Variants in YY1AP1 observed in about 807,000 individuals in gnomAD.
The protein encoded by YY1AP1 is YY1 associated protein 1, also known as YY1-associated protein 1.
YY1AP1 carries 43 observed loss-of-function variants against 39.9 expected under a neutral mutation model. The observed-to-expected ratio is 1.08, with a 90% CI of 0.84 to 1.39. The LOEUF is 1.39. Ranked by LOEUF, YY1AP1 falls within the 40% of genes most tolerant of loss-of-function variation. YY1AP1 has a pLI of 0.00. For missense variants in YY1AP1, 813 were observed against 900.7 expected, an observed-to-expected ratio of 0.90 and a Z score of 1.25; for synonymous variants, 292 against 331.3, an observed-to-expected ratio of 0.88 and a Z score of 1.29.
At chr1:155,675,148 A>C in intron 5 of YY1AP1, 52 bp from the exon 6 acceptor site, 1 of 1,533,408 alleles carries the variant, frequency 6.5e-7, no homozygotes, top group Non-Finnish European at 9.0e-7. Context: ...CTGCCATTTC[A>C]GGAGCCCAGA....
chr1:155,663,680 T>C (rs1021363855), intron 9 of YY1AP1, among the ~76,000 whole-genome samples: 9 of 148,718 alleles, frequency 6.1e-5, no homozygotes, highest in East Asian at 4.1e-4. Context: ...GATCACGCCA[T>C]TGCACTCCAG....
At chr1:155,678,088 AG>A (rs767820657) in intron 4 of YY1AP1, among the ~76,000 whole-genome samples, 1 of 152,238 alleles carries the variant, frequency 6.6e-6, no homozygotes, top group Non-Finnish European at 1.5e-5. Flanking sequence ...ACATAGTCAG[AG>A]GTGGCTCCAT....
At chr1:155,675,554 G>A (rs1571345895) in intron 5 of YY1AP1, among the ~76,000 whole-genome samples, 2 of 151,994 alleles carry the variant, frequency 1.3e-5, no homozygotes. Context: ...TCAAACTCCT[G>A]ACCTCATGAT....
chr1:155,686,445 A>AAAC (rs1652359864), intron 2 of YY1AP1, among the ~76,000 whole-genome samples: 1 of 151,966 alleles, frequency 6.6e-6, no homozygotes, highest in South Asian at 2.1e-4. Flanking sequence ...GTACCCAAAA[A>AAAC]CAGTTCTCTG....
chr1:155,688,024 TGAGA>T, intron 2 of YY1AP1, 43 bp downstream of exon 2: 1 of 1,524,768 alleles, frequency 6.6e-7, no homozygotes, highest in Non-Finnish European at 8.8e-7. Flanking sequence ...ATTCAATCGC[TGAGA>T]GAGTGCTTAG....
At position 155,660,110 on chromosome 1, in the gene YY1AP1, G is replaced by A; in HGVS notation, c.1800C>T (p.Phe600=). 6.2e-7 allele frequency: 1 copy of A among 1,614,196 alleles called. No individual in the cohort carries two copies. The highest frequency in any genetic ancestry group is 1.7e-5 in the Admixed American group (1 of 60,024). Residue 600 remains phenylalanine (F), a synonymous_variant, in exon 11 of 11, where the codon TTC becomes TTT. Transcript: ENST00000355499. ...CAAGGGGCTGGTTCAATGGACAGGG[G>A]AAGGAAGTAGGGTTAACCAAGAGGG... is the stretch of plus-strand genomic sequence containing the variant. The part of the protein sequence containing the change: ...IATLLVNPTS[F]PCPLNQPLVA...
At chr1:155,669,183 G>C (rs1368269508) in intron 8 of YY1AP1, among the ~76,000 whole-genome samples, 2 of 152,120 alleles carry the variant, frequency 1.3e-5, no homozygotes, top group African/African-American at 4.8e-5. Flanking sequence ...ATAAACGTTT[G>C]CTACCATGCC....
In YY1AP1 at chr1:155,681,940, C is replaced by T. The variant is rs535923243; in HGVS notation, c.-20-1484G>A. 2.0e-5 allele frequency among the ~76,000 whole-genome samples: 3 copies of T among 151,494 alleles called. No individual in the cohort carries two copies. In the South Asian group the frequency reaches 6.2e-4, roughly 32 times the overall value. ...GCTCCAGCGATCCTCCCACCTCATC[C>T]TCCCAAAGTGCTGGGATTACAGACA... On this transcript the variant is annotated intron_variant, in intron 2 of 10. Transcript: ENST00000355499.
At chr1:155,667,635 C>A (rs953919406) in intron 9 of YY1AP1, among the ~76,000 whole-genome samples, 2 of 152,076 alleles carry the variant, frequency 1.3e-5, no homozygotes, top group Admixed American at 6.6e-5. Flanking sequence ...ACCAGCCTGG[C>A]CAACATGGTG....
chr1:155,679,208 C>G lies in YY1AP1; in HGVS notation c.125+201G>C, dbSNP rs1156729860. On this transcript the variant is annotated intron_variant, in intron 4 of 10. Coordinates refer to ENST00000355499, the MANE Select transcript of YY1AP1 (RefSeq NM_139119.3). ...CTACTGTTTTTTCTCCCTTCCCAAA[C>G]AGATACAGCTTGGCCTACAGCTGCA... 5.9e-6 allele frequency: 9 copies of G among 1,516,462 alleles called. No individual in the cohort carries two copies. The South Asian group carries it at 1.1e-4, about 18-fold the overall frequency. 93.9% of individuals were successfully genotyped at this position (1,516,462 alleles called of 1,614,324 possible).
rs1651344938 is a variant in YY1AP1, at chr1:155,680,402, G to A, written c.21+14C>T. The A allele has an allele frequency of 6.2e-7, 1 of 1,612,864 alleles. No individual in the cohort carries two copies. The highest frequency in any genetic ancestry group is 8.5e-7 in the Non-Finnish European group (1 of 1,179,330). ...CTTACAATCCCATGTTCTCACTTGA[G>A]GATCATTACTCACAGTTTCAAACAG... On this transcript the variant is annotated intron_variant, in intron 3 of 10. Transcript: ENST00000355499.
intron 2 of YY1AP1, among the ~76,000 whole-genome samples, chr1:155,684,482 G>A (rs1341290495): frequency 1.3e-5 from 2 of 151,748 alleles, no homozygotes; most frequent in Non-Finnish European, 2.9e-5. Context: ...AGAAAGAAAG[G>A]ACTATCAGAC....
chr1:155,661,582 CAT>C (rs1648156564), intron 9 of YY1AP1, among the ~76,000 whole-genome samples, 159 bp from the exon 10 acceptor site: 2 of 151,958 alleles, frequency 1.3e-5, no homozygotes, highest in African/African-American at 4.8e-5. Flanking sequence ...CATGAACACA[CAT>C]ATACGAATAG....
chr1:155,675,850 A>T (rs1438363891), intron 5 of YY1AP1, among the ~76,000 whole-genome samples: 3 of 152,184 alleles, frequency 2.0e-5, no homozygotes, highest in Non-Finnish European at 2.9e-5. Flanking sequence ...TCTTGGCATA[A>T]ATTTCTCAGA....
At position 155,659,682 on chromosome 1, in the gene YY1AP1, G is replaced by C. The variant is rs762655678; in HGVS notation, c.2228C>G (p.Thr743Arg). 3.7e-6 allele frequency: 6 copies of C among 1,614,080 alleles called. No individual in the cohort carries two copies. The highest frequency in any genetic ancestry group is 8.5e-7 in the Non-Finnish European group (1 of 1,180,044). Residue 743 changes from threonine to arginine, a missense_variant, in exon 11 of 11, where the codon ACA (threonine) becomes AGA (arginine). Around this residue, in one of 3 missense-constraint regions of YY1AP1, gnomAD observed 586 missense variants for 647.4 expected, o/e 0.91. Transcript: ENST00000355499. ...EVVKMEPEDATEEISGFL is the reference protein window; with the variant it reads ...EVVKMEPEDAREEISGFL Reference sequence around the variant, plus strand: ...TCAAAGAAATCCACTGATTTCCTCTGTAGCATCTTCAGGTTCCATCTTGAC... The same window carrying C: ...TCAAAGAAATCCACTGATTTCCTCTCTAGCATCTTCAGGTTCCATCTTGAC...
At chr1:155,671,705 A>G (rs1051225757) in intron 7 of YY1AP1, among the ~76,000 whole-genome samples, 25 of 152,154 alleles carry the variant, frequency 1.6e-4, no homozygotes, top group African/African-American at 5.6e-4. Context: ...TGTCATTTTT[A>G]TATCTCCAGA....
chr1:155,660,936 G>C, intron 10 of YY1AP1, 23 bp from the exon 11 acceptor site: 1 of 1,613,884 alleles, frequency 6.2e-7, no homozygotes, highest in South Asian at 1.1e-5. Context: ...AGAACACTCT[G>C]ATCCAGCACA....
chr1:155,672,743 C>T lies in YY1AP1; in HGVS notation c.412-12G>A, dbSNP rs630583. 1.2e-5 allele frequency: 19 copies of T among 1,613,976 alleles called. No homozygotes were observed. In the Admixed American group the frequency reaches 1.3e-4, roughly 11 times the overall value. On this transcript the variant is annotated splice_polypyrimidine_tract_variant and intron_variant, in intron 6 of 10. Transcript: ENST00000355499. The stretch of plus-strand genomic sequence containing the variant: ...GTTCCCAGCTCTTTCTGGGAAAACA[C>T]GACACAAGGAAGATCTAAGACAATT...
Position 155,680,399 on chromosome 1 carries a change from T to C in YY1AP1, c.21+17A>G. 2 of 1,613,032 alleles carry C rather than the reference T, an allele frequency of 1.2e-6. No homozygotes were observed. Among genetic ancestry groups the C allele is most frequent in the Non-Finnish European group, 1.7e-6 (2 of 1,179,340 alleles). On this transcript the variant is annotated intron_variant, in intron 3 of 10. Transcript: ENST00000355499. ...CAACTTACAATCCCATGTTCTCACT[T>C]GAGGATCATTACTCACAGTTTCAAA...
Sources: gnomAD v4.1 joint callset for allele counts (sites outside exome capture counted in the v4.1 genomes callset) on GRCh38, gnomAD v4.1.1 for gene constraint, gnomAD v4.1.1 regional missense constraint, MANE v1.5 for transcripts, NCBI Gene and HGNC (gene_info 2026-07-23, HGNC 2026-07-21) for gene names.